JMJD1C: variants seen among roughly 807,000 people sequenced by gnomAD.
JMJD1C encodes the protein jumonji domain-containing protein 1C.
JMJD1C carries 31 observed loss-of-function variants against 245.3 expected under a neutral mutation model. The observed-to-expected ratio is 0.13, with a 90% CI of 0.09 to 0.17. The LOEUF (loss-of-function observed/expected upper bound fraction) is 0.17, where lower values mean the gene tolerates loss of function less well. JMJD1C is among the 10% of genes least tolerant of loss of function. The pLI is 1.00. For missense variants in JMJD1C, 2,691 were observed against 3,000.2 expected (o/e 0.90, Z 2.41); for synonymous variants, 1,057 against 1,017.4 (o/e 1.04, Z -0.74).
At chr10:63,399,723 C>T (rs147732614) in intron 1 of JMJD1C, among the ~76,000 whole-genome samples, 6 of 151,452 alleles carry the variant, frequency 4.0e-5, no homozygotes, top group Non-Finnish European at 7.4e-5. Context: ...TAGTTTCTTC[C>T]TATGGTTATG....
intron 1 of JMJD1C, among the ~76,000 whole-genome samples, chr10:63,440,423 T>A (rs1450854215): frequency 6.6e-6 from 1 of 150,900 alleles, no homozygotes; most frequent in East Asian, 1.9e-4. Flanking sequence ...GAGAGTCGAT[T>A]AAGGAAGTAT....
intron 2 of JMJD1C, among the ~76,000 whole-genome samples, chr10:63,337,624 A>AAAAGAAAAGAAAAAGAAAAGAAAAG (rs139374030): frequency 2.2e-4 from 13 of 60,208 alleles, no homozygotes; most frequent in East Asian, 1.6e-3. Flanking sequence ...AAAAGAAAAG[A>AAAAGAAAAGAAAAAGAAAAGAAAAG]AAAAGAAAAG....
chr10:63,223,340 G>C (rs1262420935), intron 3 of JMJD1C, among the ~76,000 whole-genome samples: 1 of 150,292 alleles, frequency 6.7e-6, no homozygotes, highest in Non-Finnish European at 1.5e-5. Context: ...CGATTCTCCT[G>C]CCTCAGCTTC....
At chr10:63,451,787 G>C (rs1952085900) in intron 1 of JMJD1C, among the ~76,000 whole-genome samples, 1 of 152,078 alleles carries the variant, frequency 6.6e-6, no homozygotes, top group Non-Finnish European at 1.5e-5. Context: ...ATAAACCCCT[G>C]CATATATGGC....
At chr10:63,346,446 A>C (rs1269317056) in intron 2 of JMJD1C, among the ~76,000 whole-genome samples, 2 of 152,220 alleles carry the variant, frequency 1.3e-5, no homozygotes, top group African/African-American at 2.4e-5. Flanking sequence ...TAGGTAAGCA[A>C]ATTCTCACTT....
chr10:63,460,911 G>T (rs1952750668), intron 1 of JMJD1C, among the ~76,000 whole-genome samples: 1 of 151,954 alleles, frequency 6.6e-6, no homozygotes, highest in Non-Finnish European at 1.5e-5. Flanking sequence ...TAAAATTACT[G>T]GAACTTACTG....
chr10:63,230,401 C>A (rs1270388819), intron 3 of JMJD1C, among the ~76,000 whole-genome samples: 1 of 152,086 alleles, frequency 6.6e-6, no homozygotes, highest in Admixed American at 6.5e-5. Context: ...CTTTACCCTG[C>A]ACTTTTTACA....
At chr10:63,315,669 G>A (rs984920934) in intron 2 of JMJD1C, among the ~76,000 whole-genome samples, 34 of 151,770 alleles carry the variant, frequency 2.2e-4, no homozygotes, top group African/African-American at 6.8e-4. Flanking sequence ...GTGAAACCCT[G>A]TCTCTACTAA....
At chr10:63,301,927 C>A (rs768539968) in intron 2 of JMJD1C, 2 of 282,474 alleles carry the variant, frequency 7.1e-6, no homozygotes, top group South Asian at 5.7e-5. Context: ...GGAAACCAAT[C>A]CATTTCCTAT....
At chr10:63,408,466 A>C (rs1949299422) in intron 1 of JMJD1C, among the ~76,000 whole-genome samples, 1 of 152,016 alleles carries the variant, frequency 6.6e-6, no homozygotes, top group South Asian at 2.1e-4. Flanking sequence ...TTCCAAGCAG[A>C]GACACAAGAA....
At chr10:63,354,613 A>G (rs1252745477) in intron 2 of JMJD1C, among the ~76,000 whole-genome samples, 1 of 151,814 alleles carries the variant, frequency 6.6e-6, no homozygotes, top group Non-Finnish European at 1.5e-5. Flanking sequence ...TTCTATTTTA[A>G]TCATCTTTTA....
At chr10:63,514,318 C>T (rs2133294127) in intron 1 of JMJD1C, among the ~76,000 whole-genome samples, 1 of 152,312 alleles carries the variant, frequency 6.6e-6, no homozygotes, top group Middle Eastern at 3.4e-3. Flanking sequence ...CAAAAAGACA[C>T]ATGCACTCAC....
intron 1 of JMJD1C, among the ~76,000 whole-genome samples, chr10:63,458,340 T>C (rs1325669567): frequency 1.3e-5 from 2 of 151,912 alleles, no homozygotes; most frequent in African/African-American, 4.8e-5. Context: ...AAAAAAAAAT[T>C]AGCCAGGCAT....
intron 4 of JMJD1C, among the ~76,000 whole-genome samples, chr10:63,218,555 C>A (rs1848245409): frequency 1.3e-5 from 2 of 151,966 alleles, no homozygotes. Flanking sequence ...CAAATATGAT[C>A]AGTTTTCAAT....
chr10:63,355,392 G>GCA (rs1564825702), intron 2 of JMJD1C, among the ~76,000 whole-genome samples: 3 of 151,990 alleles, frequency 2.0e-5, no homozygotes, highest in Non-Finnish European at 2.9e-5. Flanking sequence ...ATATGTGTGC[G>GCA]CATGGCTGTG....
At chr10:63,401,986 T>A (rs138739477) in intron 1 of JMJD1C, among the ~76,000 whole-genome samples, 2 of 151,918 alleles carry the variant, frequency 1.3e-5, no homozygotes, top group Non-Finnish European at 2.9e-5. Context: ...AATACAAAAT[T>A]AGCCAGGCGT....
At chr10:63,248,788 C>T (rs955294927) in intron 3 of JMJD1C, among the ~76,000 whole-genome samples, 12 of 152,154 alleles carry the variant, frequency 7.9e-5, no homozygotes, top group African/African-American at 2.2e-4. Flanking sequence ...ATGTTTACTG[C>T]AGCACTATAC....
At chr10:63,385,260 G>C (rs1235845250) in intron 1 of JMJD1C, among the ~76,000 whole-genome samples, 2 of 151,834 alleles carry the variant, frequency 1.3e-5, no homozygotes, top group Admixed American at 1.3e-4. Context: ...CACCATAAGA[G>C]ATGTAATAGT....
intron 2 of JMJD1C, among the ~76,000 whole-genome samples, chr10:63,353,322 G>A (rs949050785): frequency 4.6e-5 from 7 of 152,132 alleles, no homozygotes; most frequent in Non-Finnish European, 1.0e-4. Flanking sequence ...AAGGGGTCAC[G>A]GTAATGATGG....
Sources: gnomAD v4.1 joint callset for allele counts (sites outside exome capture counted in the v4.1 genomes callset) on GRCh38, gnomAD v4.1.1 for gene constraint, MANE v1.5 for transcripts, NCBI Gene and HGNC (gene_info 2026-07-23, HGNC 2026-07-21) for gene names.